Variants in ATRNL1 observed in about 807,000 individuals in gnomAD.
The protein encoded by ATRNL1 is attractin like 1, also known as attractin-like protein 1.
In ATRNL1, 95 loss-of-function variants were observed where a neutral mutation model predicts 182.7. The ratio of observed to expected loss-of-function variants is 0.52; its 90% CI spans 0.44 to 0.62. The LOEUF (loss-of-function observed/expected upper bound fraction) is 0.62. Ranked by LOEUF, ATRNL1 falls within the 20% of genes least tolerant of loss-of-function variation. The pLI, the probability that ATRNL1 is intolerant of heterozygous loss-of-function variation, is 0.00. For missense variants in ATRNL1, 1,471 were observed against 1,679.5 expected, an observed-to-expected ratio of 0.88 and a Z score of 2.17; for synonymous variants, 576 against 568.3, an observed-to-expected ratio of 1.01 and a Z score of -0.19.
intron 27 of ATRNL1, among the ~76,000 whole-genome samples, chr10:115,795,489 A>G (rs1949630088): frequency 6.6e-6 from 1 of 152,066 alleles, no homozygotes; most frequent in African/African-American, 2.4e-5. Context: ...TCTCCCATGT[A>G]TTAGTCCGTT....
intron 27 of ATRNL1, among the ~76,000 whole-genome samples, chr10:115,748,622 A>G (rs1948360552): frequency 6.6e-6 from 1 of 151,832 alleles, no homozygotes. Context: ...TTCTTTTTAA[A>G]TACATTTCTC....
intron 26 of ATRNL1, among the ~76,000 whole-genome samples, chr10:115,661,609 T>C (rs1305380821): frequency 6.6e-6 from 1 of 152,148 alleles, no homozygotes; most frequent in African/African-American, 2.4e-5. Flanking sequence ...TGATTGATTA[T>C]ATTTGAAGAG....
chr10:115,298,416 T>G (rs1853311953), intron 15 of ATRNL1, among the ~76,000 whole-genome samples: 1 of 152,160 alleles, frequency 6.6e-6, no homozygotes, highest in East Asian at 1.9e-4. Flanking sequence ...ATTTTTCTGT[T>G]TTCCTCCTCT....
At chr10:115,702,933 A>G (rs782652284) in intron 26 of ATRNL1, among the ~76,000 whole-genome samples, 4 of 151,962 alleles carry the variant, frequency 2.6e-5, no homozygotes, top group Non-Finnish European at 4.4e-5. Flanking sequence ...TAGATTTCCT[A>G]TGGAACCAAA....
chr10:115,729,028 G>GA (rs555542605), intron 27 of ATRNL1, among the ~76,000 whole-genome samples: 7 of 151,412 alleles, frequency 4.6e-5, no homozygotes, highest in Non-Finnish European at 7.4e-5. Context: ...AGTAACAAGA[G>GA]AAAAAAAATG....
chr10:115,940,995 C>A (rs1416750938), intron 28 of ATRNL1, among the ~76,000 whole-genome samples: 2 of 152,094 alleles, frequency 1.3e-5, no homozygotes, highest in African/African-American at 4.8e-5. Flanking sequence ...GGCCACAAGC[C>A]GTGGGGTCCA....
intron 24 of ATRNL1, among the ~76,000 whole-genome samples, chr10:115,486,529 G>A (rs1849034942): frequency 6.6e-6 from 1 of 151,946 alleles, no homozygotes; most frequent in Non-Finnish European, 1.5e-5. Flanking sequence ...ATTTTTGTTG[G>A]CCACAGAAAT....
At chr10:115,171,625 T>G (rs1157957872) in intron 8 of ATRNL1, among the ~76,000 whole-genome samples, 3 of 152,172 alleles carry the variant, frequency 2.0e-5, no homozygotes, top group African/African-American at 7.2e-5. Context: ...TATCCCAGTC[T>G]CTTTACTATG....
chr10:115,185,981 T>C (rs559977768), intron 8 of ATRNL1, among the ~76,000 whole-genome samples: 6 of 152,156 alleles, frequency 3.9e-5, no homozygotes, highest in Admixed American at 6.6e-5. Context: ...GTCTCATCTA[T>C]TCAGTTTTGC....
chr10:115,652,664 C>T (rs1000577241), intron 26 of ATRNL1, among the ~76,000 whole-genome samples: 1 of 151,964 alleles, frequency 6.6e-6, no homozygotes, highest in Non-Finnish European at 1.5e-5. Context: ...TTCGAGGTCT[C>T]ATATACTGTA....
chr10:115,902,108 T>A (rs1207654869), intron 28 of ATRNL1, among the ~76,000 whole-genome samples: 2 of 152,192 alleles, frequency 1.3e-5, no homozygotes, highest in Admixed American at 1.3e-4. Flanking sequence ...AATCCTGAGG[T>A]CTATCCTTCG....
At chr10:115,273,640 T>C (rs1194089716) in intron 13 of ATRNL1, among the ~76,000 whole-genome samples, 5 of 152,222 alleles carry the variant, frequency 3.3e-5, no homozygotes, top group African/African-American at 1.2e-4. Flanking sequence ...CAGGAAGGGA[T>C]AGCAGAACTT....
intron 24 of ATRNL1, among the ~76,000 whole-genome samples, chr10:115,510,867 G>T (rs1477485383): frequency 6.6e-6 from 1 of 151,984 alleles, no homozygotes; most frequent in African/African-American, 2.4e-5. Context: ...GAATTAAGAA[G>T]TGTTTGGAGG....
rs143695961 is a variant in ATRNL1 at position 115,181,298 on chromosome 10, A to G, written c.1348+10006A>G. Among the ~76,000 whole-genome samples, 551 of 152,018 alleles carry G rather than the reference A, an allele frequency of 3.6e-3. 2 individuals carry two copies. Among genetic ancestry groups the G allele is most frequent in the African/African-American group, 0.013 (532 of 41,552 alleles). On this transcript the variant is annotated intron_variant, in intron 8 of 28. Transcript: ENST00000355044. ...GGAAATCAGAGATAAGAACATTGAC[A>G]GCTGCATATGTAATAGATAGGAATC...
In ATRNL1 at chr10:115,809,752, T is replaced by G. The variant is rs114681167; in HGVS notation, c.3904-38125T>G. 2.3e-3 allele frequency among the ~76,000 whole-genome samples: 349 copies of G among 152,160 alleles called. 1 individual carries two copies. Among genetic ancestry groups the G allele is most frequent in the African/African-American group, 8.1e-3 (336 of 41,578 alleles). Reference sequence around the variant, plus strand: ...TGTCATCTTCAAATAAACACAATTTTAGTTCTTCCTTTTTCATCTGTATGC... The same window carrying G: ...TGTCATCTTCAAATAAACACAATTTGAGTTCTTCCTTTTTCATCTGTATGC... On this transcript the variant is annotated intron_variant, in intron 27 of 28. Coordinates refer to ENST00000355044, the MANE Select transcript of ATRNL1 (RefSeq NM_207303.4).
intron 26 of ATRNL1, among the ~76,000 whole-genome samples, chr10:115,602,177 A>G (rs1214665758): frequency 6.6e-6 from 1 of 151,970 alleles, no homozygotes; most frequent in Non-Finnish European, 1.5e-5. Flanking sequence ...AACATGGCAA[A>G]ACCCTGTCTC....
rs111965279 is a variant in ATRNL1 at position 115,601,068 on chromosome 10, G to A, written c.3795+51532G>A. Among the ~76,000 whole-genome samples, 1,074 of 150,382 alleles carry A rather than the reference G, an allele frequency of 7.1e-3. 13 individuals carry two copies. Among genetic ancestry groups the A allele is most frequent in the African/African-American group, 0.025 (1,021 of 40,962 alleles). On this transcript the variant is annotated intron_variant, in intron 26 of 28. Transcript: ENST00000355044. ...TAGCATCTCACAATTTTGATATGTT[G>A]CATTTTCATTTTTTTCATTTCAAAA...
intron 9 of ATRNL1, among the ~76,000 whole-genome samples, chr10:115,228,690 T>C (rs1554899235): frequency 6.6e-6 from 1 of 152,048 alleles, no homozygotes; most frequent in African/African-American, 2.4e-5. Context: ...CTTTCAGCTG[T>C]AATTATCAAC....
At chr10:115,482,820 T>G (rs1554974432) in intron 24 of ATRNL1, among the ~76,000 whole-genome samples, 2 of 151,274 alleles carry the variant, frequency 1.3e-5, no homozygotes, top group South Asian at 2.1e-4. Flanking sequence ...TAACTAAAAT[T>G]TAGGCATAAA....
Sources: allele counts gnomAD v4.1 joint callset (sites outside exome capture counted in the v4.1 genomes callset), GRCh38; gene constraint gnomAD v4.1.1; transcripts MANE v1.5; gene names NCBI Gene and HGNC (gene_info 2026-07-23, HGNC 2026-07-21).